ZNF726: variants seen among roughly 807,000 people sequenced by gnomAD.
The protein encoded by ZNF726 is zinc finger protein 92 pseudogene 3.
ZNF726 carries 15 observed loss-of-function variants against 11.6 expected under a neutral mutation model. The ratio of observed to expected loss-of-function variants is 1.29; its 90% CI spans 0.86 to 1.99. The LOEUF is 1.99. Ranked by LOEUF, ZNF726 falls within the 30% of genes most tolerant of loss-of-function variation. ZNF726 has a pLI of 0.00. For missense variants in ZNF726, 890 were observed against 725.6 expected, an observed-to-expected ratio of 1.23 and a Z score of -2.60; for synonymous variants, 295 against 243.6, an observed-to-expected ratio of 1.21 and a Z score of -1.96.
chr19:23,941,342 G>T (rs1968335596), intron 3 of ZNF726, among the ~76,000 whole-genome samples: 1 of 152,094 alleles, frequency 6.6e-6, no homozygotes, highest in Non-Finnish European at 1.5e-5. Flanking sequence ...CTTGATTATG[G>T]TGGATTATCT....
At chr19:23,917,147 C>T (rs999709154) in intron 1 of ZNF726, among the ~76,000 whole-genome samples, 14 of 152,180 alleles carry the variant, frequency 9.2e-5, no homozygotes, top group African/African-American at 3.1e-4. Context: ...AATGGAGTTT[C>T]ACCATGCTAG....
chr19:23,938,891 G>A (rs994934999), downstream of ZNF726, among the ~76,000 whole-genome samples: 2 of 152,064 alleles, frequency 1.3e-5, no homozygotes, highest in African/African-American at 4.8e-5. Context: ...ACAGGTGTGA[G>A]CCACCGTGCC....
rs542089420 is a variant in ZNF726 at position 23,922,876 on chromosome 19, T to G, written c.226+2794T>G. 2.2e-4 allele frequency among the ~76,000 whole-genome samples: 34 copies of G among 152,090 alleles called. No individual in the cohort carries two copies. In the South Asian group the frequency reaches 6.8e-3, roughly 31 times the overall value. ...CTCATAAAAGCATTTTTGTCAGGAA[T>G]GGATGACAAATTTTCTTGCTGTCAG... is the stretch of plus-strand genomic sequence containing the variant. On this transcript the variant is annotated intron_variant, in intron 3 of 3. Coordinates refer to ENST00000594466, the MANE Select transcript of ZNF726 (RefSeq NM_001244038.2).
intron 3 of ZNF726, chr19:23,923,635 T>C (rs1967911139): frequency 5.8e-6 from 1 of 173,740 alleles, no homozygotes; most frequent in Non-Finnish European, 1.2e-5. Flanking sequence ...CCTGATCTCG[T>C]GATCTGCCCG....
chr19:23,926,530 G>A (rs28390267), intron 3 of ZNF726, among the ~76,000 whole-genome samples: 3 of 147,292 alleles, frequency 2.0e-5, no homozygotes, highest in Non-Finnish European at 4.4e-5. Flanking sequence ...CTCCACCTGG[G>A]CTGCACTCCA....
chr19:23,915,705 C>T (rs2144950984), intron 1 of ZNF726, among the ~76,000 whole-genome samples: 1 of 152,092 alleles, frequency 6.6e-6, no homozygotes, highest in South Asian at 2.1e-4. Flanking sequence ...CTCAGCCTCC[C>T]TAGTAGTTGG....
At chr19:23,938,293 T>A (rs756048472), downstream of ZNF726, among the ~76,000 whole-genome samples, 4 of 152,210 alleles carry the variant, frequency 2.6e-5, no homozygotes, top group Non-Finnish European at 4.4e-5. Context: ...TGATATATAA[T>A]CTTAGATGTA....
At chr19:23,942,925 G>A (rs1568384735) in intron 3 of ZNF726, among the ~76,000 whole-genome samples, 1 of 152,146 alleles carries the variant, frequency 6.6e-6, no homozygotes, top group Non-Finnish European at 1.5e-5. Context: ...TTTAATTGGA[G>A]CATTTAGGCC....
chr19:23,934,492 ATCTT>A, downstream of ZNF726: 1 of 380,338 alleles, frequency 2.6e-6, no homozygotes, highest in South Asian at 2.1e-5. Context: ...AATGTGGGAA[ATCTT>A]TCTTTTTTTT....
chr19:23,919,594 C>T, intron 2 of ZNF726, 95 bp downstream of exon 2: 1 of 1,409,562 alleles, frequency 7.1e-7, no homozygotes, highest in South Asian at 1.4e-5. Flanking sequence ...TTTCCTATTT[C>T]TGTTTTCAAG....
intron 3 of ZNF726, among the ~76,000 whole-genome samples, chr19:23,922,378 A>C (rs1967873613): frequency 6.6e-6 from 1 of 152,114 alleles, no homozygotes; most frequent in Non-Finnish European, 1.5e-5. Flanking sequence ...GCTGGAACTG[A>C]GTCATGGAAC....
In ZNF726 at chr19:23,920,114, G is replaced by T. The variant is rs748888609; in HGVS notation, c.226+32G>T. ...GAGAGTGAATACAACAGATGACCTG[G>T]ATGAGAGGTCCAACGTCAAGAAGAA... On this transcript the variant is annotated intron_variant, in intron 3 of 3. Transcript: ENST00000594466. 38 of 1,454,640 alleles carry T rather than the reference G, an allele frequency of 2.6e-5. 1 individual carries two copies. The highest frequency in any genetic ancestry group is 8.7e-5 in the Admixed American group (5 of 57,616). The allele number at this position is 1,454,640 out of a possible 1,614,324, so 90.1% of individuals were successfully genotyped here. A position where few individuals can be genotyped will look rare whatever the true frequency, so the allele number is the denominator to read the frequency against.
At position 23,920,100 on chromosome 19, in the gene ZNF726, C is replaced by A; in HGVS notation, c.226+18C>A. The A allele has an allele frequency of 6.5e-7, 1 of 1,531,644 alleles. No homozygotes were observed. Among genetic ancestry groups the A allele is most frequent in the South Asian group, 1.1e-5 (1 of 89,590 alleles). 94.9% of individuals were successfully genotyped at this position (1,531,644 alleles called of 1,614,324 possible). On this transcript the variant is annotated intron_variant, in intron 3 of 3. Coordinates refer to ENST00000594466, the MANE Select transcript of ZNF726 (RefSeq NM_001244038.2). ...ACCCCCAGGTAGGTGAGAGTGAATA[C>A]AACAGATGACCTGGATGAGAGGTCC...
At chr19:23,938,273 T>A (rs1968279582), downstream of ZNF726, among the ~76,000 whole-genome samples, 2 of 152,238 alleles carry the variant, frequency 1.3e-5, no homozygotes, top group Admixed American at 6.5e-5. Flanking sequence ...CATATTTTGA[T>A]ACAGGCATGT....
At chr19:23,930,592 G>A (rs1157274396) in intron 3 of ZNF726, among the ~76,000 whole-genome samples, 1 of 151,900 alleles carries the variant, frequency 6.6e-6, no homozygotes, top group Non-Finnish European at 1.5e-5. Flanking sequence ...CTGTATAAAT[G>A]TTATCCTTGT....
At chr19:23,925,603 T>C (rs952713358) in intron 3 of ZNF726, among the ~76,000 whole-genome samples, 1 of 152,210 alleles carries the variant, frequency 6.6e-6, no homozygotes, top group African/African-American at 2.4e-5. Context: ...CTTTTATGCA[T>C]TTCTCTACAA....
intron 1 of ZNF726, among the ~76,000 whole-genome samples, chr19:23,915,721 C>G (rs1485964412): frequency 6.6e-6 from 1 of 152,014 alleles, no homozygotes; most frequent in African/African-American, 2.4e-5. Flanking sequence ...GTTGGGACTA[C>G]AGGCGCCTGC....
rs1429937680 is a variant in ZNF726 at position 23,933,601 on chromosome 19, C to G, written c.1485C>G (p.Thr495=). ...GCAAAGCTTTTAGCCAGTCCTCAAC[C>G]CTTACTGCACATAAGATAATTCATA... ...ECGKAFSQSS[T]LTAHKIIHTG... is the part of the protein sequence containing the mutation. Residue 495 remains threonine, a synonymous_variant, in exon 4 of 4, where the codon ACC becomes ACG. Transcript: ENST00000594466. 6.2e-7 allele frequency: 1 copy of G among 1,609,530 alleles called. No individual in the cohort carries two copies.
intron 3 of ZNF726, among the ~76,000 whole-genome samples, chr19:23,922,493 T>TGC (rs1292045664): frequency 0.18 from 26,678 of 152,024 alleles, 2,409 homozygotes; most frequent in East Asian, 0.22. Context: ...ACGCTGCCCA[T>TGC]TGGCTCCCAA....
Sources: allele counts gnomAD v4.1 joint callset (sites outside exome capture counted in the v4.1 genomes callset), GRCh38; gene constraint gnomAD v4.1.1; transcripts MANE v1.5; gene names NCBI Gene and HGNC (gene_info 2026-07-23, HGNC 2026-07-21).